Variants in MARK3 observed in about 807,000 individuals in gnomAD.
The protein encoded by MARK3 is microtubule affinity regulating kinase 3.
MARK3 carries 46 observed loss-of-function variants against 90.1 expected under a neutral mutation model. The observed-to-expected ratio is 0.51, with a 90% CI of 0.40 to 0.65. MARK3 has a LOEUF of 0.65. Ranked by LOEUF, MARK3 falls within the 30% of genes least tolerant of loss-of-function variation. The probability of loss-of-function intolerance (pLI) is 0.00; values close to 1 mark genes in which losing one functional copy is unlikely to be tolerated. For missense variants in MARK3, 818 were observed against 947.2 expected (o/e 0.86, Z 1.79); for synonymous variants, 321 against 332.6 (o/e 0.97, Z 0.38).
chr14:103,474,892 G>A, intron 12 of MARK3, 101 bp from the exon 13 acceptor site: 3 of 856,430 alleles, frequency 3.5e-6, no homozygotes, highest in Non-Finnish European at 5.4e-6. Flanking sequence ...CATTTTTTAG[G>A]TGAATAGCAA....
At chr14:103,394,157 A>AG (rs919694108) in intron 1 of MARK3, among the ~76,000 whole-genome samples, 1 of 152,236 alleles carries the variant, frequency 6.6e-6, no homozygotes, top group African/African-American at 2.4e-5. Flanking sequence ...AAAAAGAAAA[A>AG]GGAGTCAGGG....
At chr14:103,393,648 A>G (rs1051128783) in intron 1 of MARK3, among the ~76,000 whole-genome samples, 7 of 152,336 alleles carry the variant, frequency 4.6e-5, no homozygotes, top group African/African-American at 1.7e-4. Context: ...TTGTATAACT[A>G]TTTAGACTTA....
intron 12 of MARK3, 83 bp downstream of exon 12, chr14:103,468,269 A>G (rs1595823945): frequency 1.0e-6 from 1 of 965,750 alleles, no homozygotes; most frequent in Admixed American, 2.9e-5. Context: ...TCTTGCTCAG[A>G]GCCTGGCTTG....
At chr14:103,497,383 A>T (rs2075407862) in intron 15 of MARK3, among the ~76,000 whole-genome samples, 1 of 152,246 alleles carries the variant, frequency 6.6e-6, no homozygotes, top group African/African-American at 2.4e-5. Context: ...ACAGAACTGG[A>T]CTTTACAAAT....
intron 15 of MARK3, among the ~76,000 whole-genome samples, chr14:103,494,713 G>A (rs888853336): frequency 2.0e-5 from 3 of 151,796 alleles, no homozygotes; most frequent in Admixed American, 6.6e-5. Context: ...CTCAGCCCAT[G>A]GCAATCTTCG....
chr14:103,432,287 A>G (rs1227546792), intron 3 of MARK3, among the ~76,000 whole-genome samples: 1 of 152,214 alleles, frequency 6.6e-6, no homozygotes, highest in Non-Finnish European at 1.5e-5. Flanking sequence ...TTAAATTTTA[A>G]TGAGATTTAC....
intron 17 of MARK3, among the ~76,000 whole-genome samples, chr14:103,501,811 T>A (rs944139301): frequency 6.6e-6 from 1 of 152,230 alleles, no homozygotes; most frequent in African/African-American, 2.4e-5. Flanking sequence ...ACCCATTTAG[T>A]ATCTAACGTG....
chr14:103,410,897 A>G (rs2091589525), intron 2 of MARK3, among the ~76,000 whole-genome samples: 1 of 152,100 alleles, frequency 6.6e-6, no homozygotes, highest in South Asian at 2.1e-4. Context: ...GTTTTTAAGT[A>G]TTTATGTGGC....
Position 103,386,248 on chromosome 14 carries a change from C to T in MARK3, c.51+168C>T, listed in dbSNP as rs909232348. ...TCGGACCGTTTCCTCCAGAAGTCTG[C>T]CGTGTCCCGCTGTTCGCGGGCGGGT... On this transcript the variant is annotated intron_variant, in intron 1 of 17. Transcript: ENST00000429436. 1.9e-5 allele frequency: 14 copies of T among 731,964 alleles called. No individual in the cohort carries two copies. In the East Asian group the frequency reaches 3.5e-4, roughly 18 times the overall value. 45.3% of individuals were successfully genotyped at this position (731,964 alleles called of 1,614,324 possible).
intron 15 of MARK3, among the ~76,000 whole-genome samples, chr14:103,495,720 T>C (rs754490531): frequency 6.6e-6 from 1 of 152,234 alleles, no homozygotes; most frequent in Non-Finnish European, 1.5e-5. Context: ...AGAAAGATAG[T>C]CTTTTATCCT....
intron 1 of MARK3, among the ~76,000 whole-genome samples, chr14:103,402,652 AAC>A (rs2091033961): frequency 6.6e-6 from 1 of 152,178 alleles, no homozygotes; most frequent in African/African-American, 2.4e-5. Flanking sequence ...CATTATAGAA[AAC>A]ACATATTGAA....
chr14:103,418,538 C>A (rs2140929437), intron 2 of MARK3, among the ~76,000 whole-genome samples: 1 of 152,252 alleles, frequency 6.6e-6, no homozygotes, highest in East Asian at 1.9e-4. Context: ...AGAATCTTCT[C>A]TTCTGCCTGG....
At chr14:103,472,164 C>G (rs1269916727) in intron 12 of MARK3, among the ~76,000 whole-genome samples, 2 of 142,828 alleles carry the variant, frequency 1.4e-5, no homozygotes, top group Admixed American at 1.5e-4. Context: ...GAGCCGAGAT[C>G]GAGCCACTGC....
At chr14:103,386,296 C>T (rs1345708471) in intron 1 of MARK3, 4 of 702,320 alleles carry the variant, frequency 5.7e-6, no homozygotes, top group South Asian at 3.0e-5. Flanking sequence ...TCGATTATGC[C>T]GGCAGTCTAG....
intron 4 of MARK3, among the ~76,000 whole-genome samples, chr14:103,450,392 G>A (rs796314615): frequency 3.3e-5 from 5 of 152,184 alleles, no homozygotes; most frequent in East Asian, 1.9e-4. Context: ...ACAAGCTAAC[G>A]TAAACATGTT....
chr14:103,425,993 T>C (rs2092390406), intron 2 of MARK3, among the ~76,000 whole-genome samples: 2 of 152,234 alleles, frequency 1.3e-5, no homozygotes, highest in Non-Finnish European at 2.9e-5. Context: ...ATGTACATAA[T>C]GCAGCCATTC....
chr14:103,404,270 G>C (rs1390290755), intron 1 of MARK3, among the ~76,000 whole-genome samples: 1 of 152,174 alleles, frequency 6.6e-6, no homozygotes, highest in Non-Finnish European at 1.5e-5. Flanking sequence ...AACGTGTAAA[G>C]GGGGTGGAAA....
At chr14:103,464,753 G>T (rs2093471661) in intron 7 of MARK3, among the ~76,000 whole-genome samples, 1 of 152,196 alleles carries the variant, frequency 6.6e-6, no homozygotes, top group Admixed American at 6.5e-5. Context: ...CTGGAGTGCA[G>T]TGGCACAGTC....
rs2093156518 is a variant in MARK3, at chr14:103,451,929, G to A, written c.358G>A (p.Glu120Lys). Residue 120 changes from glutamate to lysine, a missense_variant, in exon 5 of 18, where the codon GAA becomes AAA. By Grantham distance (56) the Glu-to-Lys change is moderately conservative. This residue lies in a region of MARK3 where 157 missense variants were observed against 158.7 expected (regional missense o/e 0.99). Coordinates refer to ENST00000429436, the MANE Select transcript of MARK3 (RefSeq NM_001128918.3). Reference protein sequence around the residue: ...LNHPNIVKLFEVIETEKTLYL... With the variant: ...LNHPNIVKLFKVIETEKTLYL... ...CTCCTCTCCCGCAGTGAAGTTATTC[G>A]AAGTCATTGAAACTGAAAAAACACT... is the stretch of plus-strand genomic sequence containing the variant. The A allele has an allele frequency of 2.5e-6, 4 of 1,611,434 alleles. No homozygotes were observed. Among genetic ancestry groups the A allele is most frequent in the Non-Finnish European group, 3.4e-6 (4 of 1,178,554 alleles).
Sources: allele counts gnomAD v4.1 joint callset (sites outside exome capture counted in the v4.1 genomes callset), GRCh38; gene constraint gnomAD v4.1.1; regional missense constraint gnomAD v4.1.1; transcripts MANE v1.5; gene names NCBI Gene and HGNC (gene_info 2026-07-23, HGNC 2026-07-21).